Variants in HERC1 observed in about 807,000 individuals in gnomAD.
HERC1 encodes probable E3 ubiquitin-protein ligase HERC1.
A neutral mutation model predicts 554.3 loss-of-function variants in HERC1; 160 were observed. The ratio of observed to expected loss-of-function variants is 0.29; its 90% CI spans 0.25 to 0.33. The LOEUF is 0.33. Among genes scored for constraint, HERC1 ranks in the 10% least tolerant of loss-of-function variants. The pLI is 1.00. For synonymous variants in HERC1, 2,175 were observed against 2,131.7 expected (o/e 1.02, Z -0.56); for missense variants, 4,919 against 5,918.5 (o/e 0.83, Z 5.54).
At chr15:63,755,642 T>A (rs2142013173) in intron 5 of HERC1, among the ~76,000 whole-genome samples, 1 of 152,230 alleles carries the variant, frequency 6.6e-6, no homozygotes, top group South Asian at 2.1e-4. Flanking sequence ...TAGCCAGGCA[T>A]GGTGGCGCAT....
intron 48 of HERC1, 32 bp from the exon 49 acceptor site, chr15:63,656,390 A>G (rs771361620): frequency 1.8e-5 from 28 of 1,586,082 alleles, no homozygotes; most frequent in Non-Finnish European, 2.3e-5. Flanking sequence ...TCAGATGGAT[A>G]AAGAAAATGG....
chr15:63,698,649 T>C, intron 26 of HERC1, 79 bp downstream of exon 26: 1 of 1,384,574 alleles, frequency 7.2e-7, no homozygotes, highest in Non-Finnish European at 9.7e-7. Context: ...AAAGGAAAGG[T>C]TTTCCCTAGA....
intron 73 of HERC1, 51 bp from the exon 74 acceptor site, chr15:63,622,942 A>C (rs2068150317): frequency 8.6e-7 from 1 of 1,169,114 alleles, no homozygotes; most frequent in Admixed American, 2.3e-5. Flanking sequence ...AAATGCATGA[A>C]GAGAACAAAC....
intron 40 of HERC1, among the ~76,000 whole-genome samples, chr15:63,667,495 A>C (rs1449229375): frequency 6.6e-6 from 1 of 152,246 alleles, no homozygotes; most frequent in African/African-American, 2.4e-5. Context: ...TTAACAGAAC[A>C]TTAGACACTG....
chr15:63,744,164 G>GTGTCTCTCTCTCTCTCTCTCTCTCTCTC, intron 12 of HERC1, among the ~76,000 whole-genome samples: 2 of 46,222 alleles, frequency 4.3e-5, no homozygotes, highest in African/African-American at 1.3e-4. Flanking sequence ...GTGTGTGTGT[G>GTGTCTCTCTCTCTCTCTCTCTCTCTCTC]TCTCTCTCTC....
In HERC1 at chr15:63,664,314, T is replaced by C. The variant is rs552982006; in HGVS notation, c.8680+156A>G. 2.4e-4 allele frequency among the ~76,000 whole-genome samples: 36 copies of C among 152,358 alleles called. No homozygotes were observed. The South Asian group carries it at 2.7e-3, about 11-fold the overall frequency. ...GTATGCTACGATTTAAATAAAATTA[T>C]GTAAATGCATAGAAAATGATATCCA... On this transcript the variant is annotated intron_variant, in intron 43 of 77. Coordinates refer to ENST00000443617, the MANE Select transcript of HERC1 (RefSeq NM_003922.4).
intron 1 of HERC1, among the ~76,000 whole-genome samples, chr15:63,821,726 CAAAAAAAAA>C (rs35074987): frequency 3.2e-5 from 2 of 62,470 alleles, no homozygotes; most frequent in East Asian, 6.4e-4. Flanking sequence ...TACCCTGTCT[CAAAAAAAAA>C]AAAAAAAAAA....
rs200169757 is a variant in HERC1, at chr15:63,665,951, A to G, written c.8523T>C (p.Asp2841=). ...TAAAACCTTCCTCCATTTCAGCAGC[A>G]TCAGCTGATGGTATGTCTCCAGGTG... ...LQSPGDIPSA[D]AAEMEEGFSE... The change falls in exon 42 of 78, where the codon GAT becomes GAC. Residue 2841 remains aspartate (D), a synonymous_variant. Transcript: ENST00000443617. 5.0e-4 allele frequency: 812 copies of G among 1,613,698 alleles called. 1 individual carries two copies. Among genetic ancestry groups the G allele is most frequent in the South Asian group, 1.1e-3 (103 of 91,082 alleles).
chr15:63,787,222 T>TCTCCGTTCACTGCAAC (rs1211719226), intron 1 of HERC1, among the ~76,000 whole-genome samples: 1 of 151,956 alleles, frequency 6.6e-6, no homozygotes, highest in East Asian at 1.9e-4. Flanking sequence ...AGTGGTGCAA[T>TCTCCGTTCACTGCAAC]CTCCGTTCAC....
rs2074093190 is a variant in HERC1, at chr15:63,727,597, G to A, written c.3346+50C>T. 1 of 1,386,278 alleles carries A rather than the reference G, an allele frequency of 7.2e-7. No individual in the cohort carries two copies. The highest frequency in any genetic ancestry group is 1.0e-6 in the Non-Finnish European group (1 of 1,000,408). 85.9% of individuals were successfully genotyped at this position (1,386,278 alleles called of 1,614,324 possible). ...AAAAACACAGTGATGTGTGCAAGAG[G>A]AACAACTTTTCTCAAAGGCATTATT... On this transcript the variant is annotated intron_variant, in intron 17 of 77. Coordinates refer to ENST00000443617, the MANE Select transcript of HERC1 (RefSeq NM_003922.4). The surrounding 1 kb of genome is among the most constrained non-coding windows in gnomAD (Gnocchi z 4.3).
intron 55 of HERC1, among the ~76,000 whole-genome samples, chr15:63,646,853 A>G (rs529931337): frequency 1.3e-5 from 2 of 152,166 alleles, no homozygotes; most frequent in East Asian, 3.9e-4. Context: ...AAACAAAACA[A>G]GAAAAAGCAA....
chr15:63,634,973 C>A, intron 65 of HERC1, 85 bp from the exon 66 acceptor site: 1 of 925,880 alleles, frequency 1.1e-6, no homozygotes. Context: ...ATTAATATAG[C>A]AATAAACTTT....
At position 63,758,375 on chromosome 15, in the gene HERC1, A is replaced by C. The variant is rs963680664; in HGVS notation, c.1027-6T>G. 6.4e-7 allele frequency: 1 copy of C among 1,565,002 alleles called. No homozygotes were observed. Among genetic ancestry groups the C allele is most frequent in the African/African-American group, 1.4e-5 (1 of 74,046 alleles). On this transcript the variant is annotated splice_polypyrimidine_tract_variant and splice_region_variant and intron_variant, in intron 3 of 77. Transcript: ENST00000443617. The surrounding 1 kb of genome is among the most constrained non-coding windows in gnomAD (Gnocchi z 4.0). Reference sequence around the variant, plus strand: ...TCAGAAGCCATTCTGCAAACCTATTAAAAATTTAAAATATGCAACAAATAG... The same window carrying C: ...TCAGAAGCCATTCTGCAAACCTATTCAAAATTTAAAATATGCAACAAATAG...
At chr15:63,652,131 T>C (rs1043249811) in intron 52 of HERC1, among the ~76,000 whole-genome samples, 2 of 152,226 alleles carry the variant, frequency 1.3e-5, no homozygotes, top group Non-Finnish European at 2.9e-5. Flanking sequence ...TAAACAACTC[T>C]TAAAGACCTA....
At chr15:63,817,816 C>T (rs1423398366) in intron 1 of HERC1, among the ~76,000 whole-genome samples, 1 of 151,982 alleles carries the variant, frequency 6.6e-6, no homozygotes, top group Non-Finnish European at 1.5e-5. Context: ...TCTTGAAGTT[C>T]AATATTGGGT....
intron 3 of HERC1, among the ~76,000 whole-genome samples, chr15:63,762,539 G>C (rs1251731378): frequency 6.6e-6 from 1 of 152,012 alleles, no homozygotes; most frequent in African/African-American, 2.4e-5. Context: ...TGGCCAGGCT[G>C]GTCTCGAACT....
rs1250834565 is a variant in HERC1 at position 63,680,550 on chromosome 15, C to G, written c.6452G>C (p.Gly2151Ala). 6.2e-7 allele frequency: 1 copy of G among 1,612,584 alleles called. No individual in the cohort carries two copies. The highest frequency in any genetic ancestry group is 8.5e-7 in the Non-Finnish European group (1 of 1,179,404). The change falls in exon 35 of 78, where the codon GGG becomes GCG. Residue 2151 changes from glycine to alanine, a missense_variant. This residue lies in a region of HERC1 where 85 missense variants were observed against 163.2 expected (regional missense o/e 0.52). Transcript: ENST00000443617. This position sits in a 1 kb window ranked among gnomAD's most constrained non-coding sequence, Gnocchi z 5.8. ...LDMEARTISF[G>A]KNGEEPKLAF... is the part of the protein sequence containing the mutation. ...GGGTGTCGGTACCTCTCCATTTTTC[C>G]CAAAAGAAATGGTCCTGGCTTCCAT...
chr15:63,731,368 C>A (rs529888935), intron 14 of HERC1, among the ~76,000 whole-genome samples: 2 of 152,228 alleles, frequency 1.3e-5, no homozygotes, highest in South Asian at 4.1e-4. Context: ...CAGAAAGAGA[C>A]AATAATTTAT....
At chr15:63,623,991 G>C in intron 72 of HERC1, 101 bp from the exon 73 acceptor site, 1 of 1,373,640 alleles carries the variant, frequency 7.3e-7, no homozygotes. Context: ...TAGTTTAACA[G>C]GCAAGCACTG....
Sources: gnomAD v4.1 joint callset for allele counts (sites outside exome capture counted in the v4.1 genomes callset) on GRCh38, gnomAD v4.1.1 for gene constraint, gnomAD v4.1.1 regional missense constraint, Gnocchi (gnomAD v3.1) non-coding constraint, MANE v1.5 for transcripts, NCBI Gene and HGNC (gene_info 2026-07-23, HGNC 2026-07-21) for gene names.